The following SAMD5 variants were observed in gnomAD, a reference collection of about 807,000 sequenced individuals.
SAMD5 encodes the protein sterile alpha motif domain containing 5.
SAMD5 carries 13 observed loss-of-function variants against 11.3 expected under a neutral mutation model. The observed-to-expected ratio is 1.15, with a 90% CI of 0.75 to 1.83. The LOEUF (loss-of-function observed/expected upper bound fraction) is 1.83. Ranked by LOEUF, SAMD5 falls within the 40% of genes most tolerant of loss-of-function variation. SAMD5 has a pLI of 0.00. For missense variants in SAMD5, 255 were observed against 239.1 expected, an observed-to-expected ratio of 1.07 and a Z score of -0.44; for synonymous variants, 129 against 111.3, an observed-to-expected ratio of 1.16 and a Z score of -1.00.
chr6:147,798,484 C>G, the SAMD5 span, among the ~76,000 whole-genome samples: 2 of 148,186 alleles, frequency 1.3e-5, no homozygotes, highest in Admixed American at 1.3e-4. Flanking sequence ...AGCTTTACTT[C>G]CAAGTATGTG....
intron 1 of SAMD5, among the ~76,000 whole-genome samples, chr6:147,647,683 G>A (rs1005782311): frequency 6.6e-6 from 1 of 152,164 alleles, no homozygotes; most frequent in Non-Finnish European, 1.5e-5. Flanking sequence ...GACATTGTGA[G>A]TTGCTAAAAG....
chr6:147,697,044 A>G (rs1338019117), intron 1 of SAMD5, among the ~76,000 whole-genome samples: 1 of 152,132 alleles, frequency 6.6e-6, no homozygotes, highest in Non-Finnish European at 1.5e-5. Flanking sequence ...TCGTGTGCAG[A>G]TGTGTCCTCA....
chr6:147,569,215 T>C lies in SAMD5; in HGVS notation c.*4759T>C, dbSNP rs1452695702. ...CAGCCTGGGCAACAGAGTGAGACTC[T>C]GTCTAAAAAAAAAAAAAAAAGAAAA... On this transcript the variant is annotated 3_prime_UTR_variant, in exon 2 of 2. Transcript: ENST00000367474. The C allele has an allele frequency of 2.2e-5, 6 of 271,304 alleles. No homozygotes were observed. In the East Asian group the frequency reaches 1.1e-3, roughly 51 times the overall value. The allele number at this position is 271,304 out of a possible 1,614,324, so 16.8% of individuals were successfully genotyped here.
At chr6:147,534,122 G>A (rs962662405) in intron 1 of SAMD5, among the ~76,000 whole-genome samples, 1 of 152,164 alleles carries the variant, frequency 6.6e-6, no homozygotes, top group Non-Finnish European at 1.5e-5. Flanking sequence ...GAATAGAGGT[G>A]AAGGACTGCA....
Position 147,569,667 on chromosome 6 carries a change from C to G in SAMD5, c.*5211C>G. On this transcript the variant is annotated 3_prime_UTR_variant, in exon 2 of 2. Coordinates refer to ENST00000367474, the MANE Select transcript of SAMD5 (RefSeq NM_001030060.3). ...TGTTCATTGCACTTGTTGCCCTGTT[C>G]CCCAAGCTTGTCAATGTTTAGAGAT... 3.0e-6 allele frequency: 3 copies of G among 985,312 alleles called. No individual in the cohort carries two copies. The highest frequency in any genetic ancestry group is 3.6e-6 in the Non-Finnish European group (3 of 829,854). 61.0% of individuals were successfully genotyped at this position (985,312 alleles called of 1,614,324 possible). A position where few individuals can be genotyped will look rare whatever the true frequency, so the allele number is the denominator to read the frequency against.
At chr6:147,812,094 G>C in the SAMD5 span, among the ~76,000 whole-genome samples, 4 of 152,298 alleles carry the variant, frequency 2.6e-5, no homozygotes, top group South Asian at 6.2e-4. Flanking sequence ...AGGACAGAGT[G>C]ACTCCAGGAA....
At chr6:147,836,977 T>C in the SAMD5 span, among the ~76,000 whole-genome samples, 1 of 152,348 alleles carries the variant, frequency 6.6e-6, no homozygotes, top group Non-Finnish European at 1.5e-5. Context: ...GATTTGTTTC[T>C]GTAAAAAACT....
At chr6:147,599,942 T>C (rs1789590689) in intron 1 of SAMD5, among the ~76,000 whole-genome samples, 1 of 152,064 alleles carries the variant, frequency 6.6e-6, no homozygotes, top group African/African-American at 2.4e-5. Flanking sequence ...AGGAGGTATA[T>C]ATAGGACCAA....
intron 1 of SAMD5, among the ~76,000 whole-genome samples, chr6:147,509,814 G>A (rs1157980655): frequency 1.3e-5 from 2 of 151,938 alleles, no homozygotes; most frequent in Non-Finnish European, 2.9e-5. Flanking sequence ...TTTGAGTCTT[G>A]AGAAACTCCT....
chr6:147,727,770 T>C (rs1318217332), intron 1 of SAMD5, among the ~76,000 whole-genome samples: 1 of 151,972 alleles, frequency 6.6e-6, no homozygotes, highest in East Asian at 1.9e-4. Context: ...GCGGGAGTCA[T>C]GTATGTTGGG....
intron 1 of SAMD5, among the ~76,000 whole-genome samples, chr6:147,659,473 A>G (rs1023481179): frequency 6.6e-6 from 1 of 152,206 alleles, no homozygotes; most frequent in Admixed American, 6.5e-5. Flanking sequence ...TTGATCACCA[A>G]CTTGAGTCTT....
chr6:147,586,838 T>C (rs1410608006), intron 1 of SAMD5, among the ~76,000 whole-genome samples: 1 of 152,100 alleles, frequency 6.6e-6, no homozygotes, highest in Non-Finnish European at 1.5e-5. Flanking sequence ...TTCTTTCTTC[T>C]CACTTTTCTC....
intron 1 of SAMD5, among the ~76,000 whole-genome samples, chr6:147,713,553 C>T (rs1157379262): frequency 6.6e-6 from 1 of 152,044 alleles, no homozygotes; most frequent in Non-Finnish European, 1.5e-5. Flanking sequence ...AGGGAATGAC[C>T]CTGTATCATG....
At chr6:147,680,148 G>A (rs1396827952) in intron 1 of SAMD5, among the ~76,000 whole-genome samples, 2 of 148,746 alleles carry the variant, frequency 1.3e-5, no homozygotes, top group Non-Finnish European at 3.0e-5. Context: ...AAGAATTAAT[G>A]ACAATGATGA....
chr6:147,666,953 G>C (rs1472100331), intron 1 of SAMD5, among the ~76,000 whole-genome samples: 4 of 152,106 alleles, frequency 2.6e-5, no homozygotes, highest in African/African-American at 4.8e-5. Context: ...GAAGCCTTTT[G>C]TCATATGTGT....
At chr6:147,764,068 A>G in the SAMD5 span, among the ~76,000 whole-genome samples, 1 of 152,246 alleles carries the variant, frequency 6.6e-6, no homozygotes, top group South Asian at 2.1e-4. Flanking sequence ...TTAAGTCCCA[A>G]TGGGCAAATT....
chr6:147,635,966 A>G (rs960911628), intron 1 of SAMD5, among the ~76,000 whole-genome samples: 3 of 152,206 alleles, frequency 2.0e-5, no homozygotes, highest in Admixed American at 6.5e-5. Context: ...TGGCAATAGT[A>G]TCTATTACAA....
chr6:147,546,360 T>C (rs1261875930), intron 1 of SAMD5, among the ~76,000 whole-genome samples: 1 of 152,030 alleles, frequency 6.6e-6, no homozygotes, highest in African/African-American at 2.4e-5. Flanking sequence ...AGAAATCCCA[T>C]CTCTACTAAA....
the SAMD5 span, among the ~76,000 whole-genome samples, chr6:147,903,365 G>T: frequency 2.4e-4 from 36 of 152,212 alleles, no homozygotes; most frequent in African/African-American, 8.4e-4. Context: ...ACTCATCTGA[G>T]TCCATTTCTA....
Sources: gnomAD v4.1 joint callset for allele counts (sites outside exome capture counted in the v4.1 genomes callset) on GRCh38, gnomAD v4.1.1 for gene constraint, MANE v1.5 for transcripts, NCBI Gene and HGNC (gene_info 2026-07-23, HGNC 2026-07-21) for gene names.